The following SAMM50 variants were observed in gnomAD, a reference collection of about 807,000 sequenced individuals.
SAMM50 encodes the protein SAMM50 sorting and assembly machinery component.
A neutral mutation model predicts 66.9 loss-of-function variants in SAMM50; 47 were observed. The ratio of observed to expected loss-of-function variants is 0.70; its 90% CI spans 0.56 to 0.90. The LOEUF is 0.90. Among genes scored for constraint, SAMM50 ranks in the 40% least tolerant of loss-of-function variants. The pLI is 0.00. For synonymous variants in SAMM50, 191 were observed against 214.1 expected (o/e 0.89, Z 0.94); for missense variants, 535 against 595.3 (o/e 0.90, Z 1.05).
chr22:43,963,349 G>C lies in SAMM50; in HGVS notation c.85G>C (p.Val29Leu). Reference sequence around the variant, plus strand: ...AGGATTAGGAGAAGAAGCTGAATTTGTTGAAGTTGAGCCTGAAGCTAAACA... The same window carrying C: ...AGGATTAGGAGAAGAAGCTGAATTTCTTGAAGTTGAGCCTGAAGCTAAACA... Reference protein sequence around the residue: ...FGGLGEEAEFVEVEPEAKQEI... With the variant: ...FGGLGEEAEFLEVEPEAKQEI... The change falls in exon 2 of 15, where the codon GTT becomes CTT. Residue 29 changes from valine to leucine, a missense_variant. Physicochemically the swap from Val to Leu is conservative, Grantham distance 32 (BLOSUM62 1). Coordinates refer to ENST00000350028, the MANE Select transcript of SAMM50 (RefSeq NM_015380.5). 6.2e-7 allele frequency: 1 copy of C among 1,613,298 alleles called. No homozygotes were observed. The highest frequency in any genetic ancestry group is 8.5e-7 in the Non-Finnish European group (1 of 1,179,802).
At chr22:43,992,948 T>G (rs2050333005) in intron 14 of SAMM50, among the ~76,000 whole-genome samples, 1 of 152,250 alleles carries the variant, frequency 6.6e-6, no homozygotes, top group Non-Finnish European at 1.5e-5. Flanking sequence ...GGGCACCTTT[T>G]TCCAGAGCGA....
At chr22:43,989,290 G>C (rs911416739) in intron 13 of SAMM50, 33 bp downstream of exon 13, 4 of 1,594,392 alleles carry the variant, frequency 2.5e-6, no homozygotes, top group Non-Finnish European at 3.4e-6. Flanking sequence ...AACCATTGTA[G>C]TACAGTTGTT....
At chr22:43,989,747 C>T (rs892396504) in intron 13 of SAMM50, among the ~76,000 whole-genome samples, 3 of 152,126 alleles carry the variant, frequency 2.0e-5, no homozygotes, top group Admixed American at 2.0e-4. Context: ...GTTGGTTGAG[C>T]GAATGAAGCA....
chr22:43,985,131 AC>A (rs143116953), intron 12 of SAMM50, among the ~76,000 whole-genome samples: 1,868 of 151,966 alleles, frequency 0.012, 73 homozygotes, highest in African/African-American at 0.044. Context: ...TTCCCGTATA[AC>A]CCCCATAGCT....
At chr22:43,963,046 A>G (rs1030036116) in intron 1 of SAMM50, 1 of 281,202 alleles carries the variant, frequency 3.6e-6, no homozygotes, top group African/African-American at 2.2e-5. Flanking sequence ...CTTCCCTGTT[A>G]ATTAGTTTTT....
rs371782170 is a variant in SAMM50 at position 43,987,929 on chromosome 22, G to C, written c.1076-1182G>C. ...ATATATATATACACACACAGAGAGAGAGAGAGCAAGCAAGCACCACATTTT... is the reference window on the plus strand; with the variant it reads ...ATATATATATACACACACAGAGAGACAGAGAGCAAGCAAGCACCACATTTT... On this transcript the variant is annotated intron_variant, in intron 12 of 14. Coordinates refer to ENST00000350028, the MANE Select transcript of SAMM50 (RefSeq NM_015380.5). The C allele has an allele frequency of 3.3e-5, 5 of 151,784 alleles. No individual in the cohort carries two copies. In the East Asian group the frequency reaches 7.7e-4, roughly 23 times the overall value. The allele number at this position is 151,784 out of a possible 1,614,324, so 9.4% of individuals were successfully genotyped here. A position where few individuals can be genotyped will look rare whatever the true frequency, so the allele number is the denominator to read the frequency against.
intron 9 of SAMM50, 82 bp downstream of exon 9, chr22:43,976,903 G>A (rs368264151): frequency 1.0e-4 from 86 of 830,232 alleles, no homozygotes; most frequent in Non-Finnish European, 1.6e-4. Context: ...TGGGCTGGGT[G>A]GGCCTGGGGG....
intron 8 of SAMM50, 23 bp from the exon 9 acceptor site, chr22:43,976,727 A>G (rs2050234483): frequency 2.5e-6 from 4 of 1,576,750 alleles, no homozygotes; most frequent in Non-Finnish European, 3.5e-6. Context: ...AAGTGAAAAT[A>G]TCCCCATTCA....
At position 43,955,602 on chromosome 22, in the gene SAMM50, A is replaced by G; in HGVS notation, c.21+4A>G. On this transcript the variant is annotated splice_donor_region_variant and intron_variant, in intron 1 of 14. Coordinates refer to ENST00000350028, the MANE Select transcript of SAMM50 (RefSeq NM_015380.5). Reference sequence around the variant, plus strand: ...CATGGGGACTGTGCACGCCCGGGTAAGAGGCCCAGCGACCCGCGGGCTGCG... The same window carrying G: ...CATGGGGACTGTGCACGCCCGGGTAGGAGGCCCAGCGACCCGCGGGCTGCG... 6 of 1,595,824 alleles carry G rather than the reference A, an allele frequency of 3.8e-6. No homozygotes were observed. The highest frequency in any genetic ancestry group is 5.1e-6 in the Non-Finnish European group (6 of 1,172,274).
Position 43,973,290 on chromosome 22 carries a change from G to C in SAMM50, c.615G>C (p.Arg205=), listed in dbSNP as rs752270121. The change falls in exon 7 of 15, where the codon CGG becomes CGC. Residue 205 remains arginine, a synonymous_variant. Transcript: ENST00000350028. Reference sequence around the variant, plus strand: ...GACAGTTCCCTTGGAGCTCACTGCGGGAGACGGACAGAGGAATGTCAGCTG... The same window carrying C: ...GACAGTTCCCTTGGAGCTCACTGCGCGAGACGGACAGAGGAATGTCAGCTG... ...VTGQFPWSSL[R]ETDRGMSAEY... The C allele has an allele frequency of 6.2e-7, 1 of 1,607,396 alleles. No homozygotes were observed. The highest frequency in any genetic ancestry group is 1.1e-5 in the South Asian group (1 of 90,912).
At chr22:43,974,070 G>T (rs1392719210) in intron 7 of SAMM50, among the ~76,000 whole-genome samples, 1 of 151,078 alleles carries the variant, frequency 6.6e-6, no homozygotes, top group Admixed American at 6.6e-5. Context: ...GACTCCTCTT[G>T]TTCTGGGCTT....
intron 11 of SAMM50, among the ~76,000 whole-genome samples, chr22:43,982,106 CTT>C (rs200915507): frequency 6.6e-6 from 1 of 152,056 alleles, no homozygotes; most frequent in African/African-American, 2.4e-5. Context: ...GGCAAAAAAA[CTT>C]TTTTTTCAAC....
chr22:43,988,855 G>A lies in SAMM50; in HGVS notation c.1076-256G>A, dbSNP rs897617298. ...TCACAGATACGATGAATGACAGAGT[G>A]CATTCCTTCCTCAACGACATTGGCT... On this transcript the variant is annotated intron_variant, in intron 12 of 14. Transcript: ENST00000350028. 3.0e-5 allele frequency: 11 copies of A among 367,060 alleles called. 1 individual carries two copies. In the Admixed American group the frequency reaches 4.4e-4, roughly 15 times the overall value. 22.7% of individuals were successfully genotyped at this position (367,060 alleles called of 1,614,324 possible).
chr22:43,981,435 T>C lies in SAMM50; in HGVS notation c.981T>C (p.Gly327=), dbSNP rs200438246. The C allele has an allele frequency of 2.5e-5, 41 of 1,613,748 alleles. No homozygotes were observed. The East Asian group carries it at 8.9e-4, about 35-fold the overall frequency. The change falls in exon 11 of 15, where the codon GGT becomes GGC. Residue 327 remains glycine, a synonymous_variant. Transcript: ENST00000350028. ...GGGGCGGAATGTTGGTACCCATTGG[T>C]GATAAGCCGTCAAGCATTGCTGATA... ...SFWGGMLVPI[G]DKPSSIADRF...
At position 43,981,389 on chromosome 22, in the gene SAMM50, AG is replaced by A; in HGVS notation, c.937del. On this transcript the variant is annotated splice_acceptor_variant, in intron 10 of 14. Coordinates refer to ENST00000350028, the MANE Select transcript of SAMM50 (RefSeq NM_015380.5). LOFTEE classifies it high-confidence loss of function. Reference sequence around the variant, plus strand: ...AACAACCATTTGTTTCTATTTGAACAGGTTTTTTCAGCGTCTTTCTGGGGCG... The same window carrying A: ...AACAACCATTTGTTTCTATTTGAACAGTTTTTTCAGCGTCTTTCTGGGGCG... 2 of 1,612,732 alleles carry A rather than the reference AG, an allele frequency of 1.2e-6. No homozygotes were observed.
At chr22:43,965,443 A>G (rs892956848) in intron 3 of SAMM50, among the ~76,000 whole-genome samples, 23 of 152,050 alleles carry the variant, frequency 1.5e-4, no homozygotes, top group Admixed American at 9.2e-4. Flanking sequence ...CTTGGCCTCA[A>G]GTGATCCACC....
chr22:43,978,084 G>GA (rs2050242406), intron 10 of SAMM50, 126 bp downstream of exon 10: 1 of 624,238 alleles, frequency 1.6e-6, no homozygotes, highest in East Asian at 3.0e-5. Flanking sequence ...CTTAACCTTT[G>GA]ATGTTTCCAG....
At chr22:43,957,821 C>T (rs773825883) in intron 1 of SAMM50, among the ~76,000 whole-genome samples, 5 of 152,170 alleles carry the variant, frequency 3.3e-5, no homozygotes, top group Non-Finnish European at 5.9e-5. Context: ...TGCAGTGGCA[C>T]GGTCTTGGCT....
chr22:43,983,148 G>T lies in SAMM50; in HGVS notation c.1008-785G>T, dbSNP rs2050273430. 6.6e-6 allele frequency among the ~76,000 whole-genome samples: 1 copy of T among 152,222 alleles called. No individual in the cohort carries two copies. Among genetic ancestry groups the T allele is most frequent in the South Asian group, 2.1e-4 (1 of 4,836 alleles). ...GTTCCCTTTGTGCTGTTGCAGACCT[G>T]CAGGGTGTTCTTAGCCTCCCGCGGC... On this transcript the variant is annotated intron_variant, in intron 11 of 14. Transcript: ENST00000350028. The surrounding 1 kb of genome is among the most constrained non-coding windows in gnomAD (Gnocchi z 4.2).
Sources: gnomAD v4.1 joint callset for allele counts (sites outside exome capture counted in the v4.1 genomes callset) on GRCh38, gnomAD v4.1.1 for gene constraint, Gnocchi (gnomAD v3.1) non-coding constraint, MANE v1.5 for transcripts, NCBI Gene and HGNC (gene_info 2026-07-23, HGNC 2026-07-21) for gene names.